The following SERINC5 variants were observed in gnomAD, a reference collection of about 807,000 sequenced individuals.
SERINC5 encodes serine incorporator 5.
A neutral mutation model predicts 63.1 loss-of-function variants in SERINC5; 41 were observed. The observed-to-expected ratio is 0.65, with a 90% CI of 0.51 to 0.84. The LOEUF (loss-of-function observed/expected upper bound fraction) is 0.84, where lower values mean the gene tolerates loss of function less well. Ranked by LOEUF, SERINC5 falls within the 40% of genes least tolerant of loss-of-function variation. SERINC5 has a pLI of 0.00. For missense variants in SERINC5, 523 were observed against 573.0 expected (o/e 0.91, Z 0.89); for synonymous variants, 222 against 215.2 (o/e 1.03, Z -0.28).
chr5:80,188,732 A>G (rs1748995029), intron 2 of SERINC5, among the ~76,000 whole-genome samples: 1 of 152,028 alleles, frequency 6.6e-6, no homozygotes, highest in Admixed American at 6.6e-5. Context: ...TACAAAAAGT[A>G]AAAAAATTGG....
intron 1 of SERINC5, among the ~76,000 whole-genome samples, chr5:80,252,133 C>T (rs977958433): frequency 3.4e-5 from 5 of 148,374 alleles, no homozygotes; most frequent in African/African-American, 1.0e-4. Flanking sequence ...TCAATATCAG[C>T]TCACTGCAAC....
At chr5:80,179,775 G>C (rs1748298585) in intron 2 of SERINC5, among the ~76,000 whole-genome samples, 1 of 152,214 alleles carries the variant, frequency 6.6e-6, no homozygotes, top group South Asian at 2.1e-4. Context: ...TCAAATTTTA[G>C]AGTATTTCAC....
intron 9 of SERINC5, among the ~76,000 whole-genome samples, chr5:80,148,682 A>G (rs1580064773): frequency 6.6e-6 from 1 of 151,798 alleles, no homozygotes; most frequent in South Asian, 2.1e-4. Flanking sequence ...AAAAAAAAGC[A>G]AAGAAAAAAA....
Position 80,141,065 on chromosome 5 carries a change from T to G in SERINC5, c.*2598A>C, listed in dbSNP as rs1480767134. ...GTAGATTCTTTAAATCCAGGAATGT[T>G]GACTCCTCACCTGAGTATTGTATAT... On this transcript the variant is annotated 3_prime_UTR_variant, in exon 12 of 12. Transcript: ENST00000507668. 1.0e-6 allele frequency: 1 copy of G among 985,288 alleles called. No individual in the cohort carries two copies. The highest frequency in any genetic ancestry group is 1.2e-6 in the Non-Finnish European group (1 of 829,918). 61.0% of individuals were successfully genotyped at this position (985,288 alleles called of 1,614,324 possible). A position where few individuals can be genotyped will look rare whatever the true frequency, so the allele number is the denominator to read the frequency against.
intron 7 of SERINC5, among the ~76,000 whole-genome samples, chr5:80,159,434 G>GT (rs1163089765): frequency 1.3e-5 from 2 of 151,846 alleles, no homozygotes; most frequent in Non-Finnish European, 2.9e-5. Flanking sequence ...CTCCTGAGGT[G>GT]TGTTTTTTTT....
At chr5:80,157,594 G>A (rs1159558209) in intron 8 of SERINC5, 2 of 151,034 alleles carry the variant, frequency 1.3e-5, no homozygotes, top group Non-Finnish European at 2.9e-5. Flanking sequence ...GGGTTCAAGT[G>A]ATCCTCCTGC....
intron 2 of SERINC5, among the ~76,000 whole-genome samples, chr5:80,190,776 T>C (rs1012025597): frequency 6.6e-6 from 1 of 152,200 alleles, no homozygotes; most frequent in African/African-American, 2.4e-5. Context: ...ACCTCAAGAT[T>C]TGAGAGCCCC....
rs984274978 is a variant in SERINC5 at position 80,156,474 on chromosome 5, G to A, written c.986+2362C>T. On this transcript the variant is annotated intron_variant, in intron 8 of 11. Transcript: ENST00000507668. ...AACATCAATCACATGGACCCCGGGG[G>A]AACTAACTCCTAGGGGGCCCAGCCC... Among the ~76,000 whole-genome samples the A allele has an allele frequency of 2.0e-5, 3 of 152,222 alleles. No homozygotes were observed. The East Asian group carries it at 5.8e-4, about 29-fold the overall frequency.
At chr5:80,161,109 C>T (rs1176585182) in intron 7 of SERINC5, among the ~76,000 whole-genome samples, 1 of 151,710 alleles carries the variant, frequency 6.6e-6, no homozygotes, top group African/African-American at 2.4e-5. Context: ...TTGATGGACA[C>T]TTAAAGGTGA....
intron 11 of SERINC5, among the ~76,000 whole-genome samples, chr5:80,144,111 G>A (rs965365299): frequency 6.6e-6 from 1 of 151,860 alleles, no homozygotes; most frequent in Non-Finnish European, 1.5e-5. Context: ...GGAATCACAT[G>A]GTCTCTTGTG....
At chr5:80,115,501 A>G (rs969709543) in intron 11 of SERINC5, among the ~76,000 whole-genome samples, 1 of 152,054 alleles carries the variant, frequency 6.6e-6, no homozygotes, top group Non-Finnish European at 1.5e-5. Context: ...CACAACATAT[A>G]GTAATTATTT....
chr5:80,203,061 AG>A lies in SERINC5; in HGVS notation c.28-9del, dbSNP rs777843670. On this transcript the variant is annotated splice_polypyrimidine_tract_variant and intron_variant, in intron 1 of 11. Transcript: ENST00000507668. ...CCCACAGCAGCAGGCCAGCTAGAAA[AG>A]GAACAGAAGGCATCTGCTTAGAGCA... The A allele has an allele frequency of 1.7e-5, 27 of 1,595,832 alleles. No individual in the cohort carries two copies. In the Admixed American group the frequency reaches 4.8e-4, roughly 28 times the overall value.
intron 1 of SERINC5, among the ~76,000 whole-genome samples, chr5:80,226,299 C>A (rs1358017730): frequency 6.6e-6 from 1 of 152,120 alleles, no homozygotes; most frequent in Non-Finnish European, 1.5e-5. Flanking sequence ...CAAAAATAAC[C>A]CTTTGATAGA....
At chr5:80,249,496 T>A (rs1752308880) in intron 1 of SERINC5, among the ~76,000 whole-genome samples, 1 of 151,534 alleles carries the variant, frequency 6.6e-6, no homozygotes, top group Admixed American at 6.6e-5. Context: ...AAATCCCAAC[T>A]TTGCAAAGTA....
intron 1 of SERINC5, among the ~76,000 whole-genome samples, chr5:80,209,761 G>A (rs191202353): frequency 6.6e-6 from 1 of 152,148 alleles, no homozygotes; most frequent in Non-Finnish European, 1.5e-5. Context: ...AAAAGTAAAC[G>A]GCGCGTGGTG....
intron 11 of SERINC5, among the ~76,000 whole-genome samples, chr5:80,130,390 A>G (rs1004982356): frequency 3.3e-5 from 5 of 152,106 alleles, no homozygotes; most frequent in African/African-American, 9.7e-5. Context: ...AAAAAAAAAA[A>G]AGAAGGCATT....
chr5:80,143,883 T>C (rs1745662564), intron 11 of SERINC5, 73 bp from the exon 12 acceptor site: 1 of 1,485,292 alleles, frequency 6.7e-7, no homozygotes, highest in South Asian at 1.3e-5. Context: ...TTCACATCCA[T>C]TTATAATGTA....
At chr5:80,130,437 T>C (rs1744900910) in intron 11 of SERINC5, among the ~76,000 whole-genome samples, 2 of 152,070 alleles carry the variant, frequency 1.3e-5, no homozygotes, top group African/African-American at 2.4e-5. Context: ...TGGTGGCTTG[T>C]GTCTGTAGTC....
intron 1 of SERINC5, among the ~76,000 whole-genome samples, chr5:80,249,428 TTATC>T (rs1036126597): frequency 6.6e-6 from 1 of 152,146 alleles, no homozygotes; most frequent in African/African-American, 2.4e-5. Flanking sequence ...AAAAAAAACT[TTATC>T]AGTCACCTCA....
Sources: gnomAD v4.1 joint callset for allele counts (sites outside exome capture counted in the v4.1 genomes callset) on GRCh38, gnomAD v4.1.1 for gene constraint, MANE v1.5 for transcripts, NCBI Gene and HGNC (gene_info 2026-07-23, HGNC 2026-07-21) for gene names.